Variants in SNX2 observed in about 807,000 individuals in gnomAD.
SNX2 encodes the protein sorting nexin-2.
In SNX2, 25 loss-of-function variants were observed where a neutral mutation model predicts 69.9. The ratio of observed to expected loss-of-function variants is 0.36; its 90% CI spans 0.26 to 0.50. SNX2 has a LOEUF of 0.50. SNX2 is among the 20% of genes least tolerant of loss of function. SNX2 has a pLI of 0.97. For synonymous variants in SNX2, 229 were observed against 200.4 expected (o/e 1.14, Z -1.20); for missense variants, 551 against 613.3 (o/e 0.90, Z 1.07).
At chr5:122,784,614 AT>A (rs1419421603) in intron 1 of SNX2, among the ~76,000 whole-genome samples, 1 of 151,798 alleles carries the variant, frequency 6.6e-6, no homozygotes. Flanking sequence ...ATCATAATGT[AT>A]TTATCCTTTT....
chr5:122,821,698 G>A (rs1016040095), intron 11 of SNX2, among the ~76,000 whole-genome samples: 5 of 151,920 alleles, frequency 3.3e-5, no homozygotes, highest in African/African-American at 9.7e-5. Flanking sequence ...CTCATGATCC[G>A]CCTGCCTCAG....
rs1754309007 is a variant in SNX2 at position 122,832,283 on chromosome 5, T to C, written c.*2635T>C. The C allele has an allele frequency of 6.6e-6, 1 of 152,176 alleles. No homozygotes were observed. 9.4% of individuals were successfully genotyped at this position (152,176 alleles called of 1,614,324 possible). A position where few individuals can be genotyped will look rare whatever the true frequency, so the allele number is the denominator to read the frequency against. Reference sequence around the variant, plus strand: ...TATCTATAAAACAAGTACATAAAAGTCTTGATTCCTGAAGTGCCTTTCTAC... The same window carrying C: ...TATCTATAAAACAAGTACATAAAAGCCTTGATTCCTGAAGTGCCTTTCTAC... On this transcript the variant is annotated 3_prime_UTR_variant, in exon 15 of 15. Coordinates refer to ENST00000379516, the MANE Select transcript of SNX2 (RefSeq NM_003100.4).
At chr5:122,775,062 G>T (rs1233057499), upstream of SNX2, 1 of 1,546,428 alleles carries the variant, frequency 6.5e-7, no homozygotes, top group Admixed American at 2.0e-5. Flanking sequence ...CACGTGACGG[G>T]TCCGCGAGGC....
chr5:122,792,357 G>A (rs1034705710), intron 1 of SNX2, among the ~76,000 whole-genome samples: 9 of 152,174 alleles, frequency 5.9e-5, no homozygotes, highest in African/African-American at 2.2e-4. Context: ...ACTTTGGGAG[G>A]CTGAGGCGGG....
At chr5:122,795,699 A>C (rs1753361894) in intron 2 of SNX2, 1 of 187,946 alleles carries the variant, frequency 5.3e-6, no homozygotes, top group Non-Finnish European at 1.1e-5. Flanking sequence ...CAGTGATTAT[A>C]CCTTTTTATT....
chr5:122,777,163 G>A (rs972390051), intron 1 of SNX2, among the ~76,000 whole-genome samples: 1 of 152,078 alleles, frequency 6.6e-6, no homozygotes, highest in African/African-American at 2.4e-5. Flanking sequence ...TCAAACTGTG[G>A]TGTGCTGGAG....
intron 2 of SNX2, 73 bp downstream of exon 2, chr5:122,795,456 A>T: frequency 3.0e-6 from 3 of 1,016,776 alleles, no homozygotes; most frequent in Non-Finnish European, 4.5e-6. Context: ...AAATATCTAA[A>T]ACAAAACTGA....
chr5:122,800,186 T>C (rs2150007666), intron 3 of SNX2, among the ~76,000 whole-genome samples: 1 of 152,312 alleles, frequency 6.6e-6, no homozygotes, highest in African/African-American at 2.4e-5. Flanking sequence ...GTAAATTTAT[T>C]TGATAAAATT....
At chr5:122,802,801 G>A (rs2150008742) in intron 5 of SNX2, among the ~76,000 whole-genome samples, 2 of 152,326 alleles carry the variant, frequency 1.3e-5, no homozygotes, top group Middle Eastern at 6.8e-3. Context: ...TTCTGGAGAT[G>A]AGCAAAATAA....
chr5:122,806,185 A>G (rs13168711), intron 6 of SNX2, among the ~76,000 whole-genome samples: 1 of 125,038 alleles, frequency 8.0e-6, no homozygotes, highest in South Asian at 2.3e-4. Context: ...CATTCCAAAA[A>G]GGATTTCAGG....
intron 11 of SNX2, among the ~76,000 whole-genome samples, chr5:122,821,697 C>T (rs139113845): frequency 1.2e-4 from 18 of 152,218 alleles, no homozygotes; most frequent in East Asian, 7.7e-4. Flanking sequence ...CCTCATGATC[C>T]GCCTGCCTCA....
At chr5:122,797,929 T>C (rs1753421252) in intron 2 of SNX2, among the ~76,000 whole-genome samples, 1 of 152,238 alleles carries the variant, frequency 6.6e-6, no homozygotes. Context: ...AGCAGCCTGT[T>C]AGTGTAAATA....
chr5:122,824,839 A>G (rs1199259882), intron 11 of SNX2, among the ~76,000 whole-genome samples: 2 of 152,196 alleles, frequency 1.3e-5, no homozygotes, highest in East Asian at 3.8e-4. Context: ...GTAATCCATA[A>G]TGGCTGTACC....
rs1045672585 is a variant in SNX2, at chr5:122,826,887, A to T, written c.1357-492A>T. Among the ~76,000 whole-genome samples the T allele has an allele frequency of 3.3e-5, 5 of 152,030 alleles. 1 individual carries two copies. Among genetic ancestry groups the T allele is most frequent in the Admixed American group, 6.5e-5 (1 of 15,268 alleles). ...TTTTTTCCAATCTGGTCATTTTACC[A>T]TTACAAAAATATTTTTAAAATGTTT... On this transcript the variant is annotated intron_variant, in intron 12 of 14. Coordinates refer to ENST00000379516, the MANE Select transcript of SNX2 (RefSeq NM_003100.4).
At chr5:122,795,441 A>C in intron 2 of SNX2, 58 bp downstream of exon 2, 1 of 1,165,338 alleles carries the variant, frequency 8.6e-7, no homozygotes, top group Non-Finnish European at 1.3e-6. Flanking sequence ...TTTCTATTAG[A>C]TAGAAAATAT....
At chr5:122,782,534 C>G (rs140174815) in intron 1 of SNX2, among the ~76,000 whole-genome samples, 29 of 148,438 alleles carry the variant, frequency 2.0e-4, no homozygotes, top group Non-Finnish European at 7.5e-5. Context: ...CCATCACGCC[C>G]GGCCTATTTT....
At chr5:122,775,679 A>G (rs907032498) in intron 1 of SNX2, 35 of 986,180 alleles carry the variant, frequency 3.5e-5, no homozygotes, top group Admixed American at 6.1e-5. Context: ...TGGGGAACGA[A>G]TGGGTGCACT....
At chr5:122,801,365 G>C (rs1375744684) in intron 3 of SNX2, among the ~76,000 whole-genome samples, 5 of 152,122 alleles carry the variant, frequency 3.3e-5, no homozygotes, top group Non-Finnish European at 7.4e-5. Context: ...AGCACTTTGG[G>C]AGACCGAGGT....
At position 122,831,117 on chromosome 5, in the gene SNX2, C is replaced by T. The variant is rs1043106087; in HGVS notation, c.*1469C>T. Among the ~76,000 whole-genome samples the T allele has an allele frequency of 6.6e-6, 1 of 151,746 alleles. No individual in the cohort carries two copies. Among genetic ancestry groups the T allele is most frequent in the Non-Finnish European group, 1.5e-5 (1 of 67,984 alleles). ...TTCTTGAGCTTAACCACCACATATCCCTTCCATAGGAACAAGATATGGTAT... is the reference window on the plus strand; with the variant it reads ...TTCTTGAGCTTAACCACCACATATCTCTTCCATAGGAACAAGATATGGTAT... On this transcript the variant is annotated 3_prime_UTR_variant, in exon 15 of 15. Transcript: ENST00000379516.
Sources: allele counts gnomAD v4.1 joint callset (sites outside exome capture counted in the v4.1 genomes callset), GRCh38; gene constraint gnomAD v4.1.1; transcripts MANE v1.5; gene names NCBI Gene and HGNC (gene_info 2026-07-23, HGNC 2026-07-21).